The following PCDHGB6 variants were observed in gnomAD, a reference collection of about 807,000 sequenced individuals.
PCDHGB6 encodes the protein protocadherin gamma subfamily B, 6.
Under a neutral mutation model 59.1 loss-of-function variants are expected in PCDHGB6, and 51 were observed. The observed-to-expected ratio is 0.86, with a 90% CI of 0.69 to 1.09. The LOEUF is 1.09. PCDHGB6 is among the 50% of genes least tolerant of loss of function. The pLI is 0.00. For synonymous variants in PCDHGB6, 466 were observed against 495.1 expected, an observed-to-expected ratio of 0.94 and a Z score of 0.78; for missense variants, 1,148 against 1,205.1, an observed-to-expected ratio of 0.95 and a Z score of 0.70.
rs779392461 is a variant in PCDHGB6, at chr5:141,428,623, TC to T, written c.2418+18004del. 3.1e-5 allele frequency: 6 copies of T among 193,516 alleles called. No individual in the cohort carries two copies. In the East Asian group the frequency reaches 5.4e-4, roughly 17 times the overall value. 12.0% of individuals were successfully genotyped at this position (193,516 alleles called of 1,614,324 possible). ...CACTGAAGAGAATAACAAGATAAGC[TC>T]TAACTCTGTTGCTCCTACTCACGTG... On this transcript the variant is annotated intron_variant, in intron 1 of 3. Coordinates refer to ENST00000520790, the MANE Select transcript of PCDHGB6 (RefSeq NM_018926.3).
chr5:141,500,350 A>G (rs2099799466), intron 2 of PCDHGB6, among the ~76,000 whole-genome samples: 1 of 151,976 alleles, frequency 6.6e-6, no homozygotes, highest in African/African-American at 2.4e-5. Flanking sequence ...CTGGGACTAC[A>G]GGCGCCCACT....
rs762979829 is a variant in PCDHGB6, at chr5:141,432,863, T to A, written c.2418+22243T>A. 1 of 1,614,074 alleles carries A rather than the reference T, an allele frequency of 6.2e-7. No individual in the cohort carries two copies. Among genetic ancestry groups the A allele is most frequent in the East Asian group, 2.2e-5 (1 of 44,886 alleles). On this transcript the variant is annotated intron_variant, in intron 1 of 3. Coordinates refer to ENST00000520790, the MANE Select transcript of PCDHGB6 (RefSeq NM_018926.3). The surrounding 1 kb of genome is among the most constrained non-coding windows in gnomAD (Gnocchi z 6.0). ...GGTGGTAGCGGTGGCCGCGGTCTCCTGCGTCTTCCTGGCCTTCGTCATCTT... is the reference window on the plus strand; with the variant it reads ...GGTGGTAGCGGTGGCCGCGGTCTCCAGCGTCTTCCTGGCCTTCGTCATCTT...
chr5:141,511,328 A>G lies in PCDHGB6; in HGVS notation c.*155A>G. On this transcript the variant is annotated 3_prime_UTR_variant, in exon 4 of 4. Transcript: ENST00000520790. Reference sequence around the variant, plus strand: ...CCTTGGGAAACAGAAACAAGTGCCCAGTCAGCACCTACCCCTTCCCCCCCA... The same window carrying G: ...CCTTGGGAAACAGAAACAAGTGCCCGGTCAGCACCTACCCCTTCCCCCCCA... The G allele has an allele frequency of 6.9e-7, 1 of 1,456,862 alleles. No individual in the cohort carries two copies. Among genetic ancestry groups the G allele is most frequent in the Non-Finnish European group, 9.1e-7 (1 of 1,093,622 alleles). 90.2% of individuals were successfully genotyped at this position (1,456,862 alleles called of 1,614,324 possible).
intron 1 of PCDHGB6, chr5:141,441,249 TA>T (rs981387539): frequency 6.6e-6 from 1 of 152,206 alleles, no homozygotes; most frequent in Non-Finnish European, 1.5e-5. Context: ...ACAAGATCTT[TA>T]AATCACAAGA....
intron 1 of PCDHGB6, chr5:141,430,875 T>C: frequency 6.3e-7 from 1 of 1,599,398 alleles, no homozygotes; most frequent in Non-Finnish European, 8.5e-7. Context: ...CCGGAAGAGC[T>C]GGAGAAAGGC....
At chr5:141,413,080 A>G (rs2095603656) in intron 1 of PCDHGB6, 3 of 1,298,546 alleles carry the variant, frequency 2.3e-6, no homozygotes, top group Non-Finnish European at 3.2e-6. Context: ...TGCCCAGGCT[A>G]CAGAGACACC....
At chr5:141,467,514 T>C (rs2154569535) in intron 1 of PCDHGB6, among the ~76,000 whole-genome samples, 1 of 152,362 alleles carries the variant, frequency 6.6e-6, no homozygotes, top group South Asian at 2.1e-4. Flanking sequence ...TTGGAGTTTA[T>C]TCTTTTGTGT....
chr5:141,411,785 G>A (rs2095515346), intron 1 of PCDHGB6: 1 of 152,310 alleles, frequency 6.6e-6, no homozygotes, highest in South Asian at 2.1e-4. Context: ...TGGTGGCTGT[G>A]GTGGGAGAAT....
At chr5:141,507,558 G>A (rs573728108) in intron 3 of PCDHGB6, among the ~76,000 whole-genome samples, 57 of 152,346 alleles carry the variant, frequency 3.7e-4, no homozygotes, top group African/African-American at 1.3e-3. Context: ...AGTGGCAGGC[G>A]GCTGGGTCTG....
chr5:141,434,026 A>G (rs2154556044), intron 1 of PCDHGB6, among the ~76,000 whole-genome samples: 1 of 152,236 alleles, frequency 6.6e-6, no homozygotes, highest in Admixed American at 6.5e-5. Flanking sequence ...TGATTCTGGA[A>G]GCATGGTTTT....
Position 141,441,858 on chromosome 5 carries a change from C to T in PCDHGB6, c.2418+31238C>T, listed in dbSNP as rs535716058. The T allele has an allele frequency of 6.0e-5, 21 of 349,416 alleles. No homozygotes were observed. The East Asian group carries it at 7.4e-4, about 12-fold the overall frequency. The allele number at this position is 349,416 out of a possible 1,614,324, so 21.6% of individuals were successfully genotyped here. On this transcript the variant is annotated intron_variant, in intron 1 of 3. Coordinates refer to ENST00000520790, the MANE Select transcript of PCDHGB6 (RefSeq NM_018926.3). ...TCGCGCTCTTGGATATGGTGCTGCA[C>T]GCCGCGGAGCCTGGCTACCTGGTCA...
At position 141,505,406 on chromosome 5, in the gene PCDHGB6, G is replaced by A. The variant is rs546453598; in HGVS notation, c.2491G>A (p.Asp831Asn). 61 of 1,614,174 alleles carry A rather than the reference G, an allele frequency of 3.8e-5. No individual in the cohort carries two copies. The highest frequency in any genetic ancestry group is 1.1e-4 in the East Asian group (5 of 44,866). ...RPGTSGSQNG[D>N]DTGTWPNNQF... Reference sequence around the variant, plus strand: ...CTCTCTCCCCAGCTCCCAAAATGGCGATGACACCGGCACCTGGCCCAACAA... The same window carrying A: ...CTCTCTCCCCAGCTCCCAAAATGGCAATGACACCGGCACCTGGCCCAACAA... Residue 831 changes from aspartate to asparagine, a missense_variant, in exon 3 of 4, where the codon GAT (aspartate) becomes AAT (asparagine). Transcript: ENST00000520790.
At chr5:141,421,478 G>T in intron 1 of PCDHGB6, 1 of 1,614,130 alleles carries the variant, frequency 6.2e-7, no homozygotes, top group Non-Finnish European at 8.5e-7. Flanking sequence ...CGAAGCGGCA[G>T]CTTGATCACG....
chr5:141,482,767 A>AGCTAGTACTATAATTATTTTTATTAGTTC (rs1370824281), intron 1 of PCDHGB6, among the ~76,000 whole-genome samples: 2 of 150,588 alleles, frequency 1.3e-5, no homozygotes, highest in African/African-American at 2.5e-5. Context: ...TTTCATTATC[A>AGCTAGTACTATAATTATTTTTATTAGTTC]CTGAACCTTA....
rs376395066 is a variant in PCDHGB6 at position 141,490,681 on chromosome 5, C to G, written c.2419-4126C>G. On this transcript the variant is annotated intron_variant, in intron 1 of 3. Transcript: ENST00000520790. The surrounding 1 kb of genome is among the most constrained non-coding windows in gnomAD (Gnocchi z 5.4). ...TCTTTGCACTGTGGCTGCCTCAGATCCAGACACTGGGGATAATGCCCGCCT... is the reference window on the plus strand; with the variant it reads ...TCTTTGCACTGTGGCTGCCTCAGATGCAGACACTGGGGATAATGCCCGCCT... 2.5e-6 allele frequency: 4 copies of G among 1,613,998 alleles called. No homozygotes were observed. In the African/African-American group the frequency reaches 4.0e-5, roughly 16 times the overall value.
intron 2 of PCDHGB6, among the ~76,000 whole-genome samples, chr5:141,499,010 AAGG>A (rs2099788390): frequency 6.6e-6 from 1 of 151,098 alleles, no homozygotes; most frequent in Non-Finnish European, 1.5e-5. Context: ...GGAAGGAAGG[AAGG>A]AAGGAAGGAA....
In PCDHGB6 at chr5:141,409,257, T is replaced by C; in HGVS notation, c.1055T>C (p.Leu352Pro). 6.2e-7 allele frequency: 1 copy of C among 1,614,022 alleles called. No individual in the cohort carries two copies. Among genetic ancestry groups the C allele is most frequent in the Non-Finnish European group, 8.5e-7 (1 of 1,179,888 alleles). The stretch of plus-strand genomic sequence containing the variant: ...AGCCCAGAAATAATCATCACTTCTC[T>C]CTCTGATCAGATTTTGGAGAATTCA... ...DNSPEIIITSLSDQILENSPP... is the reference protein window; with the variant it reads ...DNSPEIIITSPSDQILENSPP... The change falls in exon 1 of 4, where the codon CTC (leucine) becomes CCC (proline). Residue 352 changes from leucine to proline, a missense_variant. Transcript: ENST00000520790.
At position 141,431,897 on chromosome 5, in the gene PCDHGB6, G is replaced by C. The variant is rs1591112104; in HGVS notation, c.2418+21277G>C. 6.2e-7 allele frequency: 1 copy of C among 1,613,830 alleles called. No homozygotes were observed. The highest frequency in any genetic ancestry group is 8.5e-7 in the Non-Finnish European group (1 of 1,179,704). ...AAATGACCAAGATTCTGAGGAAAAC[G>C]GACAGGTGATCTGTTTCATCCAAGG... On this transcript the variant is annotated intron_variant, in intron 1 of 3. Coordinates refer to ENST00000520790, the MANE Select transcript of PCDHGB6 (RefSeq NM_018926.3). The surrounding 1 kb of genome is among the most constrained non-coding windows in gnomAD (Gnocchi z 4.8).
rs759356451 is a variant in PCDHGB6, at chr5:141,476,397, G to C, written c.2419-18410G>C. On this transcript the variant is annotated intron_variant, in intron 1 of 3. Transcript: ENST00000520790. The surrounding 1 kb of genome is among the most constrained non-coding windows in gnomAD (Gnocchi z 7.6). ...ATGTTTGTGAACGACCGTCTGGATC[G>C]AGAGGAGCTGTGTGGGACACTGCCC... The C allele has an allele frequency of 6.2e-7, 1 of 1,614,142 alleles. No individual in the cohort carries two copies. The highest frequency in any genetic ancestry group is 8.5e-7 in the Non-Finnish European group (1 of 1,180,036).
Sources: allele counts gnomAD v4.1 joint callset (sites outside exome capture counted in the v4.1 genomes callset), GRCh38; gene constraint gnomAD v4.1.1; non-coding constraint Gnocchi (gnomAD v3.1); transcripts MANE v1.5; gene names NCBI Gene and HGNC (gene_info 2026-07-23, HGNC 2026-07-21).